The following LRRC37A2 variants were observed in gnomAD, a reference collection of about 807,000 sequenced individuals.
LRRC37A2 encodes leucine rich repeat containing 37 member A2, also known as leucine-rich repeat-containing protein 37A2.
LRRC37A2 carries 9 observed loss-of-function variants against 68.8 expected under a neutral mutation model. That is an observed-to-expected ratio of 0.13 (90% CI 0.08 to 0.23). LRRC37A2 has a LOEUF of 0.23. Among genes scored for constraint, LRRC37A2 ranks in the 10% least tolerant of loss-of-function variants. LRRC37A2 has a pLI of 1.00. For synonymous variants in LRRC37A2, 63 were observed against 367.6 expected (o/e 0.17, Z 9.48); for missense variants, 168 against 950.4 (o/e 0.18, Z 10.82).
chr17:47,015,541 C>T, the LRRC37A2 span, among the ~76,000 whole-genome samples: 1 of 152,118 alleles, frequency 6.6e-6, no homozygotes, highest in African/African-American at 2.4e-5. Flanking sequence ...CACCTAGTGA[C>T]GCATTTCTCA....
the LRRC37A2 span, among the ~76,000 whole-genome samples, chr17:46,853,363 C>CTT: frequency 0.098 from 7,759 of 78,848 alleles, 1,460 homozygotes; most frequent in African/African-American, 0.21. Flanking sequence ...ATGCTAGTGA[C>CTT]TTTTTTTTTT....
the LRRC37A2 span, among the ~76,000 whole-genome samples, chr17:46,495,356 AC>A: frequency 6.7e-6 from 1 of 148,744 alleles, no homozygotes; most frequent in Admixed American, 6.6e-5. Context: ...TCCAGGCTAA[AC>A]CACTGTGCTC....
the LRRC37A2 span, among the ~76,000 whole-genome samples, chr17:46,771,348 C>T: frequency 6.6e-5 from 10 of 152,046 alleles, no homozygotes; most frequent in Admixed American, 4.6e-4. Context: ...TCCTAGACGC[C>T]CCAGCCCTGG....
At chr17:46,758,951 A>C in the LRRC37A2 span, among the ~76,000 whole-genome samples, 1 of 152,194 alleles carries the variant, frequency 6.6e-6, no homozygotes, top group Non-Finnish European at 1.5e-5. Flanking sequence ...CACACTTGTA[A>C]TCCCAGAGCT....
At chr17:46,999,866 G>T in the LRRC37A2 span, among the ~76,000 whole-genome samples, 2 of 150,638 alleles carry the variant, frequency 1.3e-5, no homozygotes, top group African/African-American at 2.4e-5. Flanking sequence ...GGGTGTGGTG[G>T]CGTGTGTCTG....
chr17:46,879,299 C>A, the LRRC37A2 span, among the ~76,000 whole-genome samples: 1 of 152,150 alleles, frequency 6.6e-6, no homozygotes, highest in Non-Finnish European at 1.5e-5. Context: ...GAGGACAAAC[C>A]TGTATTCCAT....
At chr17:46,981,740 T>C in the LRRC37A2 span, among the ~76,000 whole-genome samples, 1 of 152,200 alleles carries the variant, frequency 6.6e-6, no homozygotes, top group East Asian at 1.9e-4. Context: ...AGGATCTCGC[T>C]CTGTTGCCCA....
the LRRC37A2 span, among the ~76,000 whole-genome samples, chr17:46,990,637 T>C: frequency 1.6e-4 from 24 of 152,046 alleles, no homozygotes; most frequent in African/African-American, 5.8e-4. Flanking sequence ...TTTATTTCTC[T>C]CTTTCTGTAG....
At chr17:46,546,034 A>G (rs1368115271) in intron 8 of LRRC37A2, among the ~76,000 whole-genome samples, 2 of 150,752 alleles carry the variant, frequency 1.3e-5, no homozygotes, top group Non-Finnish European at 3.0e-5. Context: ...TCTAATCCCA[A>G]CCATCTTTAT....
chr17:46,773,565 C>G, the LRRC37A2 span: 6 of 1,332,184 alleles, frequency 4.5e-6, no homozygotes, highest in Non-Finnish European at 6.1e-6. Context: ...CCAGAGGGAC[C>G]CTGGCTTCAG....
the LRRC37A2 span, chr17:46,966,609 G>A: frequency 4.8e-5 from 33 of 684,322 alleles, no homozygotes; most frequent in South Asian, 1.1e-4. Flanking sequence ...TCAGCCTCCC[G>A]AAGTGCTGGG....
At chr17:47,022,427 C>T in the LRRC37A2 span, among the ~76,000 whole-genome samples, 3 of 150,392 alleles carry the variant, frequency 2.0e-5, no homozygotes, top group Non-Finnish European at 4.4e-5. Context: ...ACCTTGGCCT[C>T]TTAAAGTGTT....
At chr17:46,932,292 C>A in the LRRC37A2 span, 1 of 1,422,922 alleles carries the variant, frequency 7.0e-7, no homozygotes, top group Non-Finnish European at 9.9e-7. Flanking sequence ...TTGGGGGTGT[C>A]TGAAGAAGAC....
the LRRC37A2 span, among the ~76,000 whole-genome samples, chr17:47,046,275 G>C: frequency 7.9e-6 from 1 of 127,360 alleles, no homozygotes; most frequent in South Asian, 2.8e-4. Flanking sequence ...GCCCAGGGGG[G>C]TTGAGGCTGC....
rs1185111872 is a variant in LRRC37A2, at chr17:46,541,869, C to G, written c.3053+988C>G. ...GTGGACTTTGGTATCTGCAGGGGGT[C>G]CTGGAGCCAATCCCCTGCAGACACC... On this transcript the variant is annotated intron_variant, in intron 8 of 14. Transcript: ENST00000576629. Among the ~76,000 whole-genome samples the G allele has an allele frequency of 1.3e-5, 2 of 150,056 alleles. 1 individual carries two copies. The highest frequency in any genetic ancestry group is 5.0e-5 in the African/African-American group (2 of 39,640).
the LRRC37A2 span, among the ~76,000 whole-genome samples, chr17:46,879,223 G>T: frequency 6.6e-6 from 1 of 152,192 alleles, no homozygotes; most frequent in South Asian, 2.1e-4. Flanking sequence ...GAAACCCTCT[G>T]TCTGGGGAGA....
At chr17:46,906,787 A>G in the LRRC37A2 span, among the ~76,000 whole-genome samples, 1 of 152,124 alleles carries the variant, frequency 6.6e-6, no homozygotes, top group Non-Finnish European at 1.5e-5. Flanking sequence ...AGCAGAGCCC[A>G]GATCTGAATT....
At chr17:46,721,963 T>G in the LRRC37A2 span, 119 of 1,604,202 alleles carry the variant, frequency 7.4e-5, no homozygotes, top group African/African-American at 1.5e-3. Context: ...AAGATTTCAG[T>G]TGAGGAACGG....
At chr17:47,006,164 C>G in the LRRC37A2 span, among the ~76,000 whole-genome samples, 1 of 151,896 alleles carries the variant, frequency 6.6e-6, no homozygotes, top group Non-Finnish European at 1.5e-5. Context: ...GAGCGAGACT[C>G]CATCTCGGAA....
Sources: gnomAD v4.1 joint callset for allele counts (sites outside exome capture counted in the v4.1 genomes callset) on GRCh38, gnomAD v4.1.1 for gene constraint, MANE v1.5 for transcripts, NCBI Gene and HGNC (gene_info 2026-07-23, HGNC 2026-07-21) for gene names.